The following CHRNA6 variants were observed in gnomAD, a reference collection of about 807,000 sequenced individuals.
CHRNA6 encodes cholinergic receptor nicotinic alpha 6 subunit, also known as neuronal acetylcholine receptor subunit alpha-6.
CHRNA6 carries 31 observed loss-of-function variants against 40.9 expected under a neutral mutation model. That is an observed-to-expected ratio of 0.76 (90% CI 0.57 to 1.02). The LOEUF (loss-of-function observed/expected upper bound fraction) is 1.02, where lower values mean the gene tolerates loss of function less well. Among genes scored for constraint, CHRNA6 ranks in the 50% least tolerant of loss-of-function variants. The probability of loss-of-function intolerance (pLI) is 0.00; values close to 1 mark genes in which losing one functional copy is unlikely to be tolerated. For synonymous variants in CHRNA6, 222 were observed against 221.3 expected (o/e 1.00, Z -0.03); for missense variants, 546 against 596.6 (o/e 0.92, Z 0.88).
Position 42,768,554 on chromosome 8 carries a change from T to C in CHRNA6, c.-124A>G. On this transcript the variant is annotated 5_prime_UTR_variant, in exon 1 of 6. Coordinates refer to ENST00000276410, the MANE Select transcript of CHRNA6 (RefSeq NM_004198.3). The stretch of plus-strand genomic sequence containing the variant: ...AGCCCACTGCAATCCGTGTGTGTCT[T>C]CTCAGAAATCAAAACATCCCCGGGA... 1.5e-6 allele frequency: 1 copy of C among 663,580 alleles called. No individual in the cohort carries two copies. The allele number at this position is 663,580 out of a possible 1,614,324, so 41.1% of individuals were successfully genotyped here. A position where few individuals can be genotyped will look rare whatever the true frequency, so the allele number is the denominator to read the frequency against.
At chr8:42,757,430 A>G (rs1816820849) in intron 3 of CHRNA6, among the ~76,000 whole-genome samples, 1 of 146,130 alleles carries the variant, frequency 6.8e-6, no homozygotes. Context: ...GTTGTTGAAA[A>G]AAGAATACAT....
Position 42,756,575 on chromosome 8 carries a change from G to T in CHRNA6, c.624C>A (p.Ile208=), listed in dbSNP as rs1264688933. 2 of 1,613,962 alleles carry T rather than the reference G, an allele frequency of 1.2e-6. No homozygotes were observed. The highest frequency in any genetic ancestry group is 2.7e-5 in the African/African-American group (2 of 74,930). Residue 208 remains isoleucine, a synonymous_variant, in exon 5 of 6, where the codon ATC becomes ATA. Transcript: ENST00000276410. ...NDFWENSEWE[I]IDASGYKHDI... ...CATGTTTGTAGCCAGAGGCATCAAT[G>T]ATTTCCCATTCACTGTTTTCCCAAA...
chr8:42,760,342 A>T (rs1054781638), intron 2 of CHRNA6, among the ~76,000 whole-genome samples: 1 of 151,756 alleles, frequency 6.6e-6, no homozygotes, highest in East Asian at 1.9e-4. Flanking sequence ...TCATGCGCAC[A>T]CACACTCGTG....
chr8:42,754,391 A>G (rs918090634), intron 5 of CHRNA6, among the ~76,000 whole-genome samples: 2 of 152,056 alleles, frequency 1.3e-5, no homozygotes, highest in Non-Finnish European at 2.9e-5. Flanking sequence ...GCTGGTCTCA[A>G]ACTCCTGGCC....
Position 42,768,422 on chromosome 8 carries a change from G to T in CHRNA6, c.9C>A (p.Thr3=). The T allele has an allele frequency of 1.2e-6, 2 of 1,613,608 alleles. No individual in the cohort carries two copies. The highest frequency in any genetic ancestry group is 1.7e-6 in the Non-Finnish European group (2 of 1,179,540). Residue 3 remains threonine, a synonymous_variant, in exon 1 of 6, where the codon ACC becomes ACA. Coordinates refer to ENST00000276410, the MANE Select transcript of CHRNA6 (RefSeq NM_004198.3). ...CATGAAGGAATCCCTGCCCCTTGCT[G>T]GTCAGCATGGTTAAAACACACTTGG... ML[T]SKGQGFLHGG...
At chr8:42,760,146 C>G (rs141553116) in intron 2 of CHRNA6, among the ~76,000 whole-genome samples, 1 of 152,216 alleles carries the variant, frequency 6.6e-6, no homozygotes, top group African/African-American at 2.4e-5. Flanking sequence ...CATAAGACAG[C>G]GTTAAGTCCT....
At chr8:42,753,916 G>A (rs960878231) in intron 5 of CHRNA6, among the ~76,000 whole-genome samples, 4 of 152,146 alleles carry the variant, frequency 2.6e-5, no homozygotes, top group Non-Finnish European at 5.9e-5. Flanking sequence ...TCTTTGCAAC[G>A]GTGGGTAGTC....
chr8:42,765,106 T>G lies in CHRNA6; in HGVS notation c.178A>C (p.Thr60Pro), dbSNP rs747611447. Residue 60 changes from threonine (T) to proline (P), a missense_variant, in exon 2 of 6, where the codon ACG becomes CCG. Thr to Pro is a conservative substitution (Grantham distance 38). Around this residue, in one of 3 missense-constraint regions of CHRNA6, gnomAD observed 476 missense variants for 494.5 expected, o/e 0.96. Transcript: ENST00000276410. ...GTGATGGCCACTTCAAAGTGTACCG[T>G]GACAGGGTCGGAAACGTTTTCCACA... is the stretch of plus-strand genomic sequence containing the variant. ...RPVENVSDPV[T>P]VHFEVAITQL... is the part of the protein sequence containing the mutation. 7 of 1,614,106 alleles carry G rather than the reference T, an allele frequency of 4.3e-6. No individual in the cohort carries two copies. The African/African-American group carries it at 9.3e-5, about 22-fold the overall frequency.
At chr8:42,759,654 C>A (rs1816866593) in intron 2 of CHRNA6, among the ~76,000 whole-genome samples, 1 of 151,982 alleles carries the variant, frequency 6.6e-6, no homozygotes, top group Non-Finnish European at 1.5e-5. Context: ...TCCCAGCATT[C>A]TGGGAGGCCG....
At chr8:42,757,082 C>T (rs758634793) in intron 3 of CHRNA6, 45 bp from the exon 4 acceptor site, 55 of 1,464,776 alleles carry the variant, frequency 3.8e-5, no homozygotes, top group South Asian at 1.0e-4. Context: ...TAATAACTTT[C>T]GGGCCAGGCA....
At chr8:42,760,340 A>G (rs890776214) in intron 2 of CHRNA6, among the ~76,000 whole-genome samples, 54 of 140,966 alleles carry the variant, frequency 3.8e-4, no homozygotes, top group Non-Finnish European at 6.4e-4. Context: ...ACTCATGCGC[A>G]CACACACTCG....
In CHRNA6 at chr8:42,753,155, T is replaced by C. The variant is rs1262412917; in HGVS notation, c.*24A>G. 1 of 1,584,692 alleles carries C rather than the reference T, an allele frequency of 6.3e-7. No individual in the cohort carries two copies. The highest frequency in any genetic ancestry group is 8.5e-7 in the Non-Finnish European group (1 of 1,171,298). ...AGAACAAATATGGTGTCTGTAAATT[T>C]CTGAACATAAAAGAAAATACATTTT... On this transcript the variant is annotated 3_prime_UTR_variant, in exon 6 of 6. Transcript: ENST00000276410.
chr8:42,753,625 G>A (rs1270122522), intron 5 of CHRNA6, among the ~76,000 whole-genome samples: 1 of 152,146 alleles, frequency 6.6e-6, no homozygotes, highest in Non-Finnish European at 1.5e-5. Context: ...AGTGAGCCAC[G>A]ATCACACCAC....
chr8:42,756,710 G>C lies in CHRNA6; in HGVS notation c.489C>G (p.Thr163=), dbSNP rs748475074. The C allele has an allele frequency of 1.9e-6, 3 of 1,614,024 alleles. No homozygotes were observed. In the African/African-American group the frequency reaches 4.0e-5, roughly 22 times the overall value. Residue 163 remains threonine (T), a synonymous_variant, in exon 5 of 6, where the codon ACC becomes ACG. Transcript: ENST00000276410. ...AGTTTTGATGATCAAAAGGGAAAAA[G>C]GTGATATCCATAGGGCAGGAACTCT... ...IFKSSCPMDI[T]FFPFDHQNCS...
chr8:42,762,239 A>T (rs1297989625), intron 2 of CHRNA6, among the ~76,000 whole-genome samples: 1 of 152,236 alleles, frequency 6.6e-6, no homozygotes, highest in African/African-American at 2.4e-5. Flanking sequence ...TTTATCCCAG[A>T]GACATGGAGG....
chr8:42,768,250 A>G, intron 1 of CHRNA6, 102 bp downstream of exon 1: 1 of 931,108 alleles, frequency 1.1e-6, no homozygotes, highest in Non-Finnish European at 1.7e-6. Flanking sequence ...TATGCAGACC[A>G]TAGAAACTTT....
chr8:42,757,222 C>T (rs557159986), intron 3 of CHRNA6, among the ~76,000 whole-genome samples, 185 bp from the exon 4 acceptor site: 6 of 151,606 alleles, frequency 4.0e-5, no homozygotes, highest in South Asian at 4.2e-4. Flanking sequence ...AAAAATTAGC[C>T]GGGTGTGGTG....
chr8:42,764,396 C>T (rs956058870), intron 2 of CHRNA6, among the ~76,000 whole-genome samples: 4 of 151,678 alleles, frequency 2.6e-5, no homozygotes, highest in Non-Finnish European at 4.4e-5. Context: ...GGTGCAATCT[C>T]GGCTCACTGC....
At chr8:42,768,307 T>C (rs1451194594) in intron 1 of CHRNA6, 45 bp downstream of exon 1, 4 of 1,448,904 alleles carry the variant, frequency 2.8e-6, no homozygotes, top group Non-Finnish European at 3.9e-6. Flanking sequence ...AGTAAACACA[T>C]GTAGCTAAAA....
Sources: gnomAD v4.1 joint callset for allele counts (sites outside exome capture counted in the v4.1 genomes callset) on GRCh38, gnomAD v4.1.1 for gene constraint, gnomAD v4.1.1 regional missense constraint, MANE v1.5 for transcripts, NCBI Gene and HGNC (gene_info 2026-07-23, HGNC 2026-07-21) for gene names.